Variants in ACOT12 observed in about 807,000 individuals in gnomAD.
The protein encoded by ACOT12 is acetyl-coenzyme A thioesterase.
A neutral mutation model predicts 67.7 loss-of-function variants in ACOT12; 51 were observed. The ratio of observed to expected loss-of-function variants is 0.75; its 90% CI spans 0.60 to 0.95. ACOT12 has a LOEUF of 0.95. Ranked by LOEUF, ACOT12 falls within the 40% of genes least tolerant of loss-of-function variation. The pLI is 0.00. For missense variants in ACOT12, 734 were observed against 708.1 expected, an observed-to-expected ratio of 1.04 and a Z score of -0.41; for synonymous variants, 251 against 244.6, an observed-to-expected ratio of 1.03 and a Z score of -0.24.
chr5:81,378,617 A>G (rs551129342), intron 2 of ACOT12, among the ~76,000 whole-genome samples: 62 of 152,330 alleles, frequency 4.1e-4, no homozygotes, highest in Non-Finnish European at 7.9e-4. Context: ...GAGAATCTAC[A>G]AAGAACTTAA....
intron 3 of ACOT12, among the ~76,000 whole-genome samples, chr5:81,370,090 G>A (rs1188745328): frequency 4.6e-5 from 7 of 152,120 alleles, no homozygotes; most frequent in South Asian, 4.2e-4. Context: ...AGATCATCCT[G>A]GCCAACATGG....
chr5:81,366,265 T>C lies in ACOT12; in HGVS notation c.259-2376A>G, dbSNP rs115754625. On this transcript the variant is annotated intron_variant, in intron 3 of 14. Transcript: ENST00000307624. ...GTCTGACACTCTTTTTAAAGAAATA[T>C]AACAAAAGCCAGCACTAAACAATAT... is the stretch of plus-strand genomic sequence containing the variant. Among the ~76,000 whole-genome samples the C allele has an allele frequency of 5.7e-3, 868 of 152,222 alleles. 9 individuals carry two copies. Among genetic ancestry groups the C allele is most frequent in the African/African-American group, 0.02 (823 of 41,544 alleles).
the ACOT12 span, among the ~76,000 whole-genome samples, chr5:81,310,157 T>TAA: frequency 3.6e-4 from 38 of 104,748 alleles, no homozygotes; most frequent in African/African-American, 7.7e-4. Context: ...TGACTAGCTG[T>TAA]AAAAAAAAAA....
chr5:81,343,106 G>A (rs754792654), intron 10 of ACOT12, among the ~76,000 whole-genome samples: 3 of 151,898 alleles, frequency 2.0e-5, no homozygotes, highest in Middle Eastern at 3.4e-3. Flanking sequence ...GCTTGAACCC[G>A]CCACCGGGAG....
At chr5:81,321,059 C>T in the ACOT12 span, among the ~76,000 whole-genome samples, 42 of 152,202 alleles carry the variant, frequency 2.8e-4, no homozygotes, top group African/African-American at 7.9e-4. Flanking sequence ...AGCTCAAGAC[C>T]GGCCTGGGCA....
At chr5:81,364,199 G>C (rs544819365) in intron 3 of ACOT12, among the ~76,000 whole-genome samples, 97 of 150,544 alleles carry the variant, frequency 6.4e-4, no homozygotes, top group Middle Eastern at 3.5e-3. Context: ...TTTTCTTCTA[G>C]CTTTTTCTAT....
At chr5:81,309,117 C>A in the ACOT12 span, 1 of 1,090,470 alleles carries the variant, frequency 9.2e-7, no homozygotes, top group Non-Finnish European at 1.3e-6. Flanking sequence ...AATCACAGTT[C>A]TTGAATAAAT....
At chr5:81,377,899 T>C (rs959634269) in intron 2 of ACOT12, among the ~76,000 whole-genome samples, 1 of 152,158 alleles carries the variant, frequency 6.6e-6, no homozygotes, top group Non-Finnish European at 1.5e-5. Flanking sequence ...ATCATGAAAA[T>C]GGCCATACTG....
chr5:81,345,049 G>A lies in ACOT12; in HGVS notation c.774-8C>T, dbSNP rs1285785848. On this transcript the variant is annotated splice_polypyrimidine_tract_variant and splice_region_variant and intron_variant, in intron 7 of 14. Coordinates refer to ENST00000307624, the MANE Select transcript of ACOT12 (RefSeq NM_130767.3). ...CGAACTCCAACTTCAACACTGTGAAGGGTGATGCAGGGCGGTGGGCAAAGA... is the reference window on the plus strand; with the variant it reads ...CGAACTCCAACTTCAACACTGTGAAAGGTGATGCAGGGCGGTGGGCAAAGA... 6.2e-7 allele frequency: 1 copy of A among 1,613,842 alleles called. No homozygotes were observed. The highest frequency in any genetic ancestry group is 1.1e-5 in the South Asian group (1 of 91,050).
At chr5:81,313,543 T>C in the ACOT12 span, among the ~76,000 whole-genome samples, 1 of 152,184 alleles carries the variant, frequency 6.6e-6, no homozygotes, top group Admixed American at 6.5e-5. Flanking sequence ...AGAGACCCAT[T>C]AGCTTCTTTG....
chr5:81,328,989 A>T (rs1222900403), downstream of ACOT12, among the ~76,000 whole-genome samples: 2 of 152,354 alleles, frequency 1.3e-5, no homozygotes, highest in African/African-American at 4.8e-5. Context: ...TTAATTAAAT[A>T]GCACACGTGC....
chr5:81,309,923 A>T, the ACOT12 span, among the ~76,000 whole-genome samples: 12 of 152,192 alleles, frequency 7.9e-5, no homozygotes, highest in African/African-American at 2.4e-4. Context: ...TGCAATAATG[A>T]TACATCTTAT....
chr5:81,311,258 TG>T, the ACOT12 span: 2 of 1,614,112 alleles, frequency 1.2e-6, no homozygotes. Flanking sequence ...AAAGAAAGAT[TG>T]CCCTGAAAGT....
chr5:81,321,562 C>CA, the ACOT12 span, among the ~76,000 whole-genome samples: 1 of 152,016 alleles, frequency 6.6e-6, no homozygotes, highest in Admixed American at 6.6e-5. Context: ...AACAAACAAA[C>CA]AAAAAACTAC....
chr5:81,382,735 G>A (rs1488291640), intron 2 of ACOT12, among the ~76,000 whole-genome samples: 1 of 151,968 alleles, frequency 6.6e-6, no homozygotes, highest in East Asian at 1.9e-4. Flanking sequence ...CTGGGAGGCG[G>A]AGGTTGCAGT....
At position 81,344,193 on chromosome 5, in the gene ACOT12, C is replaced by T; in HGVS notation, c.947G>A (p.Gly316Glu). 6.2e-7 allele frequency: 1 copy of T among 1,613,508 alleles called. No individual in the cohort carries two copies. The highest frequency in any genetic ancestry group is 8.5e-7 in the Non-Finnish European group (1 of 1,179,730). Residue 316 changes from glycine (G) to glutamate (E), a missense_variant, in exon 9 of 15, where the codon GGA (glycine) becomes GAA (glutamate). Transcript: ENST00000307624. The part of the protein sequence containing the change: ...ISKDDFRRYR[G>E]AIARKRIRLG... ...GCGAATTCGCTTGCGTGCAATAGCTCCCCGATAGCGTCTGAAATCATCCTT... is the reference window on the plus strand; with the variant it reads ...GCGAATTCGCTTGCGTGCAATAGCTTCCCGATAGCGTCTGAAATCATCCTT...
chr5:81,351,255 A>G (rs557840142), intron 5 of ACOT12, among the ~76,000 whole-genome samples: 2 of 152,308 alleles, frequency 1.3e-5, no homozygotes, highest in East Asian at 3.9e-4. Context: ...CATATCCCAA[A>G]CTAGTATTTA....
chr5:81,311,339 C>G, the ACOT12 span: 4 of 1,525,616 alleles, frequency 2.6e-6, no homozygotes, highest in Non-Finnish European at 2.7e-6. Context: ...GCGTTTTATT[C>G]TGCACTTGTT....
chr5:81,375,480 C>T (rs1173327192), intron 2 of ACOT12, among the ~76,000 whole-genome samples: 1 of 152,128 alleles, frequency 6.6e-6, no homozygotes, highest in African/African-American at 2.4e-5. Context: ...GGATCAAATT[C>T]ACACATAACA....
Sources: gnomAD v4.1 joint callset for allele counts (sites outside exome capture counted in the v4.1 genomes callset) on GRCh38, gnomAD v4.1.1 for gene constraint, MANE v1.5 for transcripts, NCBI Gene and HGNC (gene_info 2026-07-23, HGNC 2026-07-21) for gene names.